The following TMEM182 variants were observed in gnomAD, a reference collection of about 807,000 sequenced individuals.
The protein encoded by TMEM182 is transmembrane protein 182.
Under a neutral mutation model 26.8 loss-of-function variants are expected in TMEM182, and 20 were observed. The ratio of observed to expected loss-of-function variants is 0.75; its 90% CI spans 0.53 to 1.09. The LOEUF (loss-of-function observed/expected upper bound fraction) is 1.09. Ranked by LOEUF, TMEM182 falls within the 50% of genes least tolerant of loss-of-function variation. The probability of loss-of-function intolerance (pLI) is 0.00; values close to 1 mark genes in which losing one functional copy is unlikely to be tolerated. For synonymous variants in TMEM182, 109 were observed against 102.2 expected (o/e 1.07, Z -0.40); for missense variants, 277 against 275.5 (o/e 1.01, Z -0.04).
chr2:102,774,065 A>G (rs962225172), intron 3 of TMEM182, among the ~76,000 whole-genome samples: 1 of 152,156 alleles, frequency 6.6e-6, no homozygotes, highest in African/African-American at 2.4e-5. Flanking sequence ...ATATGTTACC[A>G]TCACACAAAT....
At chr2:102,801,451 T>C (rs1682133430) in intron 4 of TMEM182, among the ~76,000 whole-genome samples, 1 of 152,148 alleles carries the variant, frequency 6.6e-6, no homozygotes, top group African/African-American at 2.4e-5. Flanking sequence ...ACAAAGACAG[T>C]TAATCAAATT....
chr2:102,742,952 A>G (rs1356934545), intron 1 of TMEM182, among the ~76,000 whole-genome samples: 3 of 152,198 alleles, frequency 2.0e-5, no homozygotes, highest in Admixed American at 2.0e-4. Context: ...AGGAAGATAG[A>G]TCAGAAACTT....
At chr2:102,744,742 A>G (rs1166281021) in intron 1 of TMEM182, among the ~76,000 whole-genome samples, 3 of 152,024 alleles carry the variant, frequency 2.0e-5, no homozygotes, top group African/African-American at 7.2e-5. Context: ...TCATCCTTAT[A>G]TGTTTTCTGA....
chr2:102,790,079 C>A (rs1334766416), intron 3 of TMEM182, among the ~76,000 whole-genome samples: 1 of 152,154 alleles, frequency 6.6e-6, no homozygotes, highest in Non-Finnish European at 1.5e-5. Flanking sequence ...TAGCACCCAG[C>A]GTTAAAAAAA....
rs148616260 is a variant in TMEM182, at chr2:102,793,028, C to A, written c.332-4835C>A. ...TTGACGCTCCTGCTGCTTCCTCTGC[C>A]GTCTGTGTGACCTGGTTCAGGATCC... On this transcript the variant is annotated intron_variant, in intron 3 of 4. Transcript: ENST00000412401. 3.5e-3 allele frequency among the ~76,000 whole-genome samples: 539 copies of A among 152,272 alleles called. 5 individuals are homozygous for A. The highest frequency in any genetic ancestry group is 0.012 in the African/African-American group (509 of 41,556).
At chr2:102,824,260 C>T (rs1482016285) in intron 3 of TMEM182, among the ~76,000 whole-genome samples, 1 of 152,170 alleles carries the variant, frequency 6.6e-6, no homozygotes, top group East Asian at 1.9e-4. Context: ...GCATCTTCAC[C>T]AGTTTATAAT....
intron 4 of TMEM182, among the ~76,000 whole-genome samples, chr2:102,799,457 T>C (rs534830510): frequency 2.6e-4 from 40 of 152,360 alleles, no homozygotes; most frequent in African/African-American, 9.1e-4. Context: ...AGAAAAGGCA[T>C]ACATATAATT....
At chr2:102,797,832 T>G (rs541747340) in intron 3 of TMEM182, 31 bp from the exon 4 acceptor site, 3 of 1,592,462 alleles carry the variant, frequency 1.9e-6, no homozygotes, top group Non-Finnish European at 2.6e-6. Flanking sequence ...GTATTTTTCT[T>G]TCTTTTCTCT....
At chr2:102,782,823 TA>T (rs1212596597) in intron 3 of TMEM182, among the ~76,000 whole-genome samples, 1 of 152,166 alleles carries the variant, frequency 6.6e-6, no homozygotes, top group Non-Finnish European at 1.5e-5. Flanking sequence ...AGCATCAATA[TA>T]TTTTTTTTCT....
chr2:102,819,599 C>T (rs1682865742), downstream of TMEM182, among the ~76,000 whole-genome samples: 1 of 152,078 alleles, frequency 6.6e-6, no homozygotes, highest in African/African-American at 2.4e-5. Flanking sequence ...ATATAGAATA[C>T]ATACACGCCT....
At position 102,762,318 on chromosome 2, in the gene TMEM182, C is replaced by G; in HGVS notation, c.101C>G (p.Thr34Ser). ...AFGSDYWLLATEVGRCSGEKN... is the reference protein window; with the variant it reads ...AFGSDYWLLASEVGRCSGEKN... ...GGATCGGATTATTGGCTTCTTGCAA[C>G]TGAAGTGGGGAGATGTTCAGGTGAA... Residue 34 changes from threonine to serine, a missense_variant, in exon 1 of 5, where the codon ACT becomes AGT. Physicochemically the swap from Thr to Ser is moderately conservative, Grantham distance 58 (BLOSUM62 1). Transcript: ENST00000412401. 1.9e-6 allele frequency: 3 copies of G among 1,613,870 alleles called. No individual in the cohort carries two copies. The highest frequency in any genetic ancestry group is 2.5e-6 in the Non-Finnish European group (3 of 1,179,926).
At chr2:102,787,902 A>G (rs1681465200) in intron 3 of TMEM182, among the ~76,000 whole-genome samples, 2 of 152,194 alleles carry the variant, frequency 1.3e-5, no homozygotes. Context: ...GGGAAGACAG[A>G]GGAAAGAACA....
chr2:102,815,943 C>T lies in TMEM182; in HGVS notation c.*975C>T. The T allele has an allele frequency of 3.1e-6, 3 of 983,154 alleles. No individual in the cohort carries two copies. Among genetic ancestry groups the T allele is most frequent in the Non-Finnish European group, 3.6e-6 (3 of 827,964 alleles). The allele number at this position is 983,154 out of a possible 1,614,324, so 60.9% of individuals were successfully genotyped here. Reference sequence around the variant, plus strand: ...AAAGACCATAAAATATTAACTTTCCCCAAGATGTTATGGGTTCCAGTTCTT... The same window carrying T: ...AAAGACCATAAAATATTAACTTTCCTCAAGATGTTATGGGTTCCAGTTCTT... On this transcript the variant is annotated 3_prime_UTR_variant, in exon 5 of 5. Coordinates refer to ENST00000412401, the MANE Select transcript of TMEM182 (RefSeq NM_144632.5).
intron 1 of TMEM182, among the ~76,000 whole-genome samples, chr2:102,756,777 G>T (rs1190917378): frequency 2.0e-5 from 3 of 152,032 alleles, no homozygotes; most frequent in Non-Finnish European, 4.4e-5. Flanking sequence ...TTAATGAAAG[G>T]AAACTCCAAC....
chr2:102,799,193 C>CT (rs1168947422), intron 4 of TMEM182, among the ~76,000 whole-genome samples: 2 of 152,240 alleles, frequency 1.3e-5, no homozygotes, highest in Non-Finnish European at 2.9e-5. Context: ...CTAGGTGACA[C>CT]TGTAGTGACA....
At chr2:102,780,225 A>G (rs998943762) in intron 3 of TMEM182, among the ~76,000 whole-genome samples, 1 of 152,144 alleles carries the variant, frequency 6.6e-6, no homozygotes, top group African/African-American at 2.4e-5. Flanking sequence ...TCTGAATATT[A>G]TAAGACTATG....
At chr2:102,802,383 C>A (rs1682180136) in intron 4 of TMEM182, among the ~76,000 whole-genome samples, 1 of 152,188 alleles carries the variant, frequency 6.6e-6, no homozygotes, top group Non-Finnish European at 1.5e-5. Flanking sequence ...CTTCTCCCTA[C>A]ACTTGGGCAG....
chr2:102,830,319 G>A (rs1342298194), intron 3 of TMEM182, among the ~76,000 whole-genome samples: 1 of 152,168 alleles, frequency 6.6e-6, no homozygotes, highest in Non-Finnish European at 1.5e-5. Context: ...GAGTTGAATT[G>A]CTGGCATCAG....
chr2:102,817,930 G>A (rs1358168935), downstream of TMEM182, among the ~76,000 whole-genome samples: 4 of 152,110 alleles, frequency 2.6e-5, no homozygotes, highest in Non-Finnish European at 5.9e-5. Flanking sequence ...CTCAATGGAT[G>A]GTGGTTTATT....
Sources: allele counts gnomAD v4.1 joint callset (sites outside exome capture counted in the v4.1 genomes callset), GRCh38; gene constraint gnomAD v4.1.1; transcripts MANE v1.5; gene names NCBI Gene and HGNC (gene_info 2026-07-23, HGNC 2026-07-21).